The following ADK variants were observed in gnomAD, a reference collection of about 807,000 sequenced individuals.
ADK encodes adenosine kinase, also known as N6,N6-dimethyladenosine kinase.
A neutral mutation model predicts 44.7 loss-of-function variants in ADK; 24 were observed. That is an observed-to-expected ratio of 0.54 (90% CI 0.39 to 0.76). ADK has a LOEUF of 0.76. ADK is among the 30% of genes least tolerant of loss of function. ADK has a pLI of 0.00. For missense variants in ADK, 321 were observed against 425.1 expected (o/e 0.76, Z 2.15); for synonymous variants, 128 against 142.6 (o/e 0.90, Z 0.73).
At chr10:74,523,174 T>C (rs1025791124) in intron 6 of ADK, among the ~76,000 whole-genome samples, 1 of 152,172 alleles carries the variant, frequency 6.6e-6, no homozygotes, top group African/African-American at 2.4e-5. Flanking sequence ...GAAAAAACAA[T>C]AACTGAGTTG....
At chr10:74,553,544 AACT>A (rs1850125559) in intron 7 of ADK, among the ~76,000 whole-genome samples, 1 of 152,130 alleles carries the variant, frequency 6.6e-6, no homozygotes, top group African/African-American at 2.4e-5. Context: ...AAAATAAATG[AACT>A]ACTACTACCC....
intron 9 of ADK, among the ~76,000 whole-genome samples, chr10:74,648,964 G>A (rs1001399956): frequency 1.3e-5 from 2 of 151,906 alleles, no homozygotes; most frequent in Non-Finnish European, 2.9e-5. Context: ...GGCGGATTAC[G>A]ACGTCAGGAG....
chr10:74,212,291 T>C (rs1177909514), intron 2 of ADK, among the ~76,000 whole-genome samples: 1 of 152,226 alleles, frequency 6.6e-6, no homozygotes, highest in African/African-American at 2.4e-5. Flanking sequence ...ATAGATTCTT[T>C]TTTAACAGTT....
At chr10:74,293,767 C>T (rs1290621313) in intron 3 of ADK, among the ~76,000 whole-genome samples, 1 of 152,166 alleles carries the variant, frequency 6.6e-6, no homozygotes, top group African/African-American at 2.4e-5. Context: ...CAAAATTCAT[C>T]ATTGATTCTT....
At chr10:74,476,993 A>G (rs150224578) in intron 6 of ADK, among the ~76,000 whole-genome samples, 2,531 of 152,252 alleles carry the variant, frequency 0.017, 68 homozygotes, top group African/African-American at 0.058. Context: ...TAAAATATAT[A>G]GTTTAAACCA....
intron 1 of ADK, chr10:74,176,708 C>T: frequency 6.8e-7 from 1 of 1,469,930 alleles, no homozygotes; most frequent in African/African-American, 1.4e-5. Flanking sequence ...AATCAGCACG[C>T]CGGGCCGGCT....
At chr10:74,668,062 TA>T (rs1338464926) in intron 9 of ADK, among the ~76,000 whole-genome samples, 2 of 152,220 alleles carry the variant, frequency 1.3e-5, no homozygotes, top group African/African-American at 4.8e-5. Flanking sequence ...ATAGACATGT[TA>T]GATTATTACA....
intron 7 of ADK, among the ~76,000 whole-genome samples, chr10:74,538,893 C>G (rs1441753578): frequency 1.3e-5 from 2 of 151,992 alleles, no homozygotes; most frequent in Non-Finnish European, 2.9e-5. Flanking sequence ...TTTTCAGTTT[C>G]TATACTTCTG....
intron 9 of ADK, among the ~76,000 whole-genome samples, chr10:74,657,159 A>G (rs985817698): frequency 6.6e-6 from 1 of 152,098 alleles, no homozygotes; most frequent in Admixed American, 6.6e-5. Flanking sequence ...ACCTTGGCTG[A>G]GACGACAGGT....
At chr10:74,655,995 G>A (rs1854474600) in intron 9 of ADK, 3 of 660,584 alleles carry the variant, frequency 4.5e-6, no homozygotes, top group East Asian at 2.9e-5. Context: ...CATGGGAACC[G>A]CCTGCTCTTT....
At chr10:74,553,190 GTTTTTTTTTTT>G (rs386371837) in intron 7 of ADK, among the ~76,000 whole-genome samples, 11 of 60,438 alleles carry the variant, frequency 1.8e-4, no homozygotes, top group South Asian at 8.2e-4. Context: ...AGCACATTGT[GTTTTTTTTTTT>G]TTTTTTTTTT....
At chr10:74,419,205 A>G (rs936944132) in intron 6 of ADK, among the ~76,000 whole-genome samples, 1 of 152,140 alleles carries the variant, frequency 6.6e-6, no homozygotes, top group African/African-American at 2.4e-5. Context: ...TTCCTCCCCA[A>G]CAACAGTATT....
intron 7 of ADK, among the ~76,000 whole-genome samples, chr10:74,576,082 A>G (rs1445227195): frequency 6.6e-6 from 1 of 152,006 alleles, no homozygotes. Context: ...CACCCCAGAG[A>G]AAAAAAAGTA....
intron 9 of ADK, among the ~76,000 whole-genome samples, chr10:74,605,374 G>A (rs1278170361): frequency 6.6e-6 from 1 of 152,166 alleles, no homozygotes; most frequent in Non-Finnish European, 1.5e-5. Context: ...GATATTGGCT[G>A]TGGGTTTGTC....
intron 4 of ADK, among the ~76,000 whole-genome samples, chr10:74,333,437 T>A (rs1217335644): frequency 6.6e-6 from 1 of 152,172 alleles, no homozygotes; most frequent in South Asian, 2.1e-4. Context: ...CTGCCTCCCA[T>A]GTAACATAAA....
At chr10:74,546,064 A>G (rs917586988) in intron 7 of ADK, among the ~76,000 whole-genome samples, 2 of 152,172 alleles carry the variant, frequency 1.3e-5, no homozygotes, top group African/African-American at 2.4e-5. Context: ...AATTCAATTT[A>G]CTCTACAAGC....
At chr10:74,247,150 C>T (rs1022166298) in intron 3 of ADK, among the ~76,000 whole-genome samples, 4 of 149,768 alleles carry the variant, frequency 2.7e-5, no homozygotes, top group Admixed American at 1.3e-4. Context: ...TAGTTAAGTA[C>T]ACTCATCCAG....
chr10:74,541,020 A>G (rs1849607868), intron 7 of ADK, among the ~76,000 whole-genome samples: 1 of 151,920 alleles, frequency 6.6e-6, no homozygotes, highest in Admixed American at 6.6e-5. Flanking sequence ...TTTATTATTT[A>G]TTTATTTATT....
Position 74,708,503 on chromosome 10 carries a change from G to T in ADK, c.*58G>T. 2 of 1,587,386 alleles carry T rather than the reference G, an allele frequency of 1.3e-6. No individual in the cohort carries two copies. Among genetic ancestry groups the T allele is most frequent in the Non-Finnish European group, 1.7e-6 (2 of 1,167,580 alleles). ...AGACACTGCCCTAATTGCTTCCTGA[G>T]AATTCCCATATTAATAAAGAAGAAA... On this transcript the variant is annotated 3_prime_UTR_variant, in exon 11 of 11. Coordinates refer to ENST00000539909, the MANE Select transcript of ADK (RefSeq NM_006721.4).
Sources: allele counts gnomAD v4.1 joint callset (sites outside exome capture counted in the v4.1 genomes callset), GRCh38; gene constraint gnomAD v4.1.1; transcripts MANE v1.5; gene names NCBI Gene and HGNC (gene_info 2026-07-23, HGNC 2026-07-21).